The following KCNK2 variants were observed in gnomAD, a reference collection of about 807,000 sequenced individuals.
KCNK2 encodes potassium channel subfamily K member 2.
A neutral mutation model predicts 40.5 loss-of-function variants in KCNK2; 21 were observed. That is an observed-to-expected ratio of 0.52 (90% CI 0.37 to 0.75). KCNK2 has a LOEUF of 0.75. Ranked by LOEUF, KCNK2 falls within the 30% of genes least tolerant of loss-of-function variation. The pLI, the probability that KCNK2 is intolerant of heterozygous loss-of-function variation, is 0.00. For synonymous variants in KCNK2, 191 were observed against 202.2 expected, an observed-to-expected ratio of 0.94 and a Z score of 0.47; for missense variants, 399 against 531.6, an observed-to-expected ratio of 0.75 and a Z score of 2.45.
At chr1:215,181,909 C>G (rs1441837165) in intron 5 of KCNK2, among the ~76,000 whole-genome samples, 1 of 152,204 alleles carries the variant, frequency 6.6e-6, no homozygotes, top group Non-Finnish European at 1.5e-5. Flanking sequence ...TACAGGTCCC[C>G]TGATGGCAGG....
At chr1:215,095,281 T>G (rs1014180643) in intron 2 of KCNK2, among the ~76,000 whole-genome samples, 3 of 152,058 alleles carry the variant, frequency 2.0e-5, no homozygotes, top group Non-Finnish European at 2.9e-5. Flanking sequence ...TTAACCAGAT[T>G]CTTCCTTATG....
intron 1 of KCNK2, among the ~76,000 whole-genome samples, chr1:215,024,965 TAAC>T (rs1656951781): frequency 5.0e-5 from 4 of 80,698 alleles, no homozygotes; most frequent in East Asian, 3.7e-4. Flanking sequence ...TTTTTTTTTT[TAAC>T]TGAGATAAAA....
At chr1:215,102,096 C>T (rs1660247309) in intron 2 of KCNK2, among the ~76,000 whole-genome samples, 1 of 151,708 alleles carries the variant, frequency 6.6e-6, no homozygotes, top group Non-Finnish European at 1.5e-5. Flanking sequence ...AATTGGGATC[C>T]CTTATATTAA....
intron 1 of KCNK2, among the ~76,000 whole-genome samples, chr1:215,017,567 G>A (rs553487998): frequency 1.3e-5 from 2 of 152,092 alleles, no homozygotes; most frequent in African/African-American, 4.8e-5. Context: ...AAATAGAATG[G>A]TGGTTACCAG....
intron 1 of KCNK2, among the ~76,000 whole-genome samples, chr1:215,013,228 CTG>C (rs1365466378): frequency 6.6e-6 from 1 of 152,118 alleles, no homozygotes; most frequent in Non-Finnish European, 1.5e-5. Context: ...TTAACACAAT[CTG>C]TTGGAAAGAT....
At chr1:215,081,527 T>C (rs953547434), upstream of KCNK2, among the ~76,000 whole-genome samples, 2 of 152,152 alleles carry the variant, frequency 1.3e-5, no homozygotes, top group African/African-American at 4.8e-5. Flanking sequence ...TTCTGGAATC[T>C]AGAAAAAATT....
At chr1:215,231,638 C>G (rs1020465110) in intron 6 of KCNK2, among the ~76,000 whole-genome samples, 1 of 152,104 alleles carries the variant, frequency 6.6e-6, no homozygotes, top group Non-Finnish European at 1.5e-5. Context: ...TTAGATCCAG[C>G]ACATTATTCT....
intron 1 of KCNK2, among the ~76,000 whole-genome samples, chr1:215,021,258 C>T (rs1656775013): frequency 6.6e-6 from 1 of 152,046 alleles, no homozygotes; most frequent in Non-Finnish European, 1.5e-5. Flanking sequence ...TTCCCTATTT[C>T]ATCTGGTTGA....
chr1:215,234,717 T>C, intron 6 of KCNK2, 111 bp from the exon 7 acceptor site: 1 of 999,468 alleles, frequency 1.0e-6, no homozygotes, highest in Non-Finnish European at 1.5e-6. Context: ...TGTAAAAGAC[T>C]ACTCCACTCT....
At chr1:215,177,736 A>AT (rs1329869892) in intron 5 of KCNK2, among the ~76,000 whole-genome samples, 82 of 58,306 alleles carry the variant, frequency 1.4e-3, no homozygotes, top group Non-Finnish European at 1.8e-3. Context: ...ATATATATAT[A>AT]TATATTTTTT....
At chr1:215,110,263 G>A (rs988606114) in intron 2 of KCNK2, among the ~76,000 whole-genome samples, 2 of 151,822 alleles carry the variant, frequency 1.3e-5, no homozygotes, top group Non-Finnish European at 2.9e-5. Context: ...GTGCTTTTGA[G>A]GTCTTAGCCA....
Position 215,236,099 on chromosome 1 carries a change from A to T in KCNK2, c.*954A>T, listed in dbSNP as rs1485106996. 1.0e-5 allele frequency: 1 copy of T among 98,112 alleles called. No homozygotes were observed. Among genetic ancestry groups the T allele is most frequent in the African/African-American group, 3.5e-5 (1 of 28,314 alleles). The allele number at this position is 98,112 out of a possible 1,614,324, so 6.1% of individuals were successfully genotyped here. On this transcript the variant is annotated 3_prime_UTR_variant, in exon 7 of 7. Transcript: ENST00000444842. The stretch of plus-strand genomic sequence containing the variant: ...ATCTATCTATCTATCTATCTATCTA[A>T]ATGACCTGACAGAAGAAAACTGTTA...
chr1:215,127,544 CA>C (rs1661489112), intron 3 of KCNK2, among the ~76,000 whole-genome samples: 1 of 152,018 alleles, frequency 6.6e-6, no homozygotes, highest in African/African-American at 2.4e-5. Context: ...ATACTTTAAC[CA>C]CTGCTCCACA....
intron 1 of KCNK2, among the ~76,000 whole-genome samples, chr1:215,072,145 G>A (rs1658775993): frequency 6.6e-6 from 1 of 152,176 alleles, no homozygotes; most frequent in African/African-American, 2.4e-5. Context: ...TACACTATAT[G>A]AGTAAATAGA....
intron 2 of KCNK2, among the ~76,000 whole-genome samples, chr1:215,094,035 A>G (rs763749699): frequency 1.4e-5 from 2 of 145,654 alleles, no homozygotes; most frequent in African/African-American, 2.5e-5. Flanking sequence ...CAAAACTGCA[A>G]TTACTTTTGC....
chr1:215,013,129 A>G (rs1656466696), intron 1 of KCNK2, among the ~76,000 whole-genome samples: 1 of 151,760 alleles, frequency 6.6e-6, no homozygotes, highest in African/African-American at 2.4e-5. Context: ...TTACATTTAG[A>G]TCTATGATTC....
At chr1:215,204,318 C>CT (rs994335055) in intron 6 of KCNK2, among the ~76,000 whole-genome samples, 28 of 147,728 alleles carry the variant, frequency 1.9e-4, no homozygotes, top group African/African-American at 3.7e-4. Context: ...TAAATGGTAA[C>CT]TTTTTTTTTT....
chr1:215,123,737 T>C (rs1009868932), intron 2 of KCNK2, among the ~76,000 whole-genome samples: 26 of 152,304 alleles, frequency 1.7e-4, no homozygotes, highest in African/African-American at 6.0e-4. Context: ...TTCTATAATA[T>C]GAAGATTAAG....
chr1:215,148,081 T>TTTC (rs66791904), intron 3 of KCNK2, among the ~76,000 whole-genome samples: 3,414 of 23,756 alleles, frequency 0.14, 243 homozygotes, highest in Non-Finnish European at 0.22. Flanking sequence ...TTTCTTTTCC[T>TTTC]TTTTTTTTTT....
Sources: gnomAD v4.1 joint callset for allele counts (sites outside exome capture counted in the v4.1 genomes callset) on GRCh38, gnomAD v4.1.1 for gene constraint, MANE v1.5 for transcripts, NCBI Gene and HGNC (gene_info 2026-07-23, HGNC 2026-07-21) for gene names.